Variants in SAMD4B observed in about 807,000 individuals in gnomAD.
SAMD4B encodes the protein protein Smaug homolog 2.
A neutral mutation model predicts 74.5 loss-of-function variants in SAMD4B; 5 were observed. That is an observed-to-expected ratio of 0.07 (90% CI 0.04 to 0.14). SAMD4B has a LOEUF of 0.14. Among genes scored for constraint, SAMD4B ranks in the 10% least tolerant of loss-of-function variants. The pLI is 1.00. For synonymous variants in SAMD4B, 373 were observed against 374.9 expected (o/e 1.00, Z 0.06); for missense variants, 608 against 921.8 (o/e 0.66, Z 4.41).
At chr19:39,388,366 C>T (rs745419714), downstream of SAMD4B, 2 of 1,613,998 alleles carry the variant, frequency 1.2e-6, no homozygotes, top group South Asian at 1.1e-5. Context: ...GTAGTAAACC[C>T]CGTCACCCTC....
At chr19:39,349,220 C>G (rs953237074) in intron 1 of SAMD4B, among the ~76,000 whole-genome samples, 1 of 152,090 alleles carries the variant, frequency 6.6e-6, no homozygotes, top group African/African-American at 2.4e-5. Context: ...TCAAAGATGA[C>G]TCAAAAAAAT....
At chr19:39,390,287 G>A, downstream of SAMD4B, 2 of 1,612,228 alleles carry the variant, frequency 1.2e-6, no homozygotes, top group Non-Finnish European at 1.7e-6. Context: ...GTGGGAATTG[G>A]GCCTAGTGGA....
chr19:39,390,431 G>T, downstream of SAMD4B: 1 of 760,836 alleles, frequency 1.3e-6, no homozygotes, highest in Non-Finnish European at 2.2e-6. Context: ...GTGTCCAAAT[G>T]CTTTAATGGA....
In SAMD4B at chr19:39,383,659, A is replaced by G. The variant is rs1447936856; in HGVS notation, c.*132A>G. On this transcript the variant is annotated 3_prime_UTR_variant, in exon 14 of 14. Coordinates refer to ENST00000610417, the MANE Select transcript of SAMD4B (RefSeq NM_001384574.2). The surrounding 1 kb of genome is among the most constrained non-coding windows in gnomAD (Gnocchi z 4.1). ...TATTCTAATATTTTTCTACTCTCTT[A>G]CCCTCTTAACTTTTGTTTAACATTG... 2.5e-5 allele frequency: 39 copies of G among 1,584,094 alleles called. No individual in the cohort carries two copies. Among genetic ancestry groups the G allele is most frequent in the Non-Finnish European group, 3.3e-5 (38 of 1,167,908 alleles).
rs1357958609 is a variant in SAMD4B at position 39,342,498 on chromosome 19, C to T, written c.-345C>T. Reference sequence around the variant, plus strand: ...GTGCGGGAGGAGGGAGGGGAGCTTGCGGGCCCGAGAGGGGGCGACGGCGGC... The same window carrying T: ...GTGCGGGAGGAGGGAGGGGAGCTTGTGGGCCCGAGAGGGGGCGACGGCGGC... On this transcript the variant is annotated 5_prime_UTR_variant, in exon 1 of 14. Transcript: ENST00000610417. The T allele has an allele frequency of 5.7e-6, 1 of 176,154 alleles. No individual in the cohort carries two copies. Among genetic ancestry groups the T allele is most frequent in the Non-Finnish European group, 1.2e-5 (1 of 86,820 alleles). The allele number at this position is 176,154 out of a possible 1,614,324, so 10.9% of individuals were successfully genotyped here.
At chr19:39,351,828 A>G (rs955234156) in intron 1 of SAMD4B, 4 of 152,134 alleles carry the variant, frequency 2.6e-5, no homozygotes, top group African/African-American at 7.2e-5. Flanking sequence ...AGTTCCAGCA[A>G]AAATCCAGAG....
chr19:39,388,383 G>A (rs181364662), downstream of SAMD4B: 2 of 1,614,016 alleles, frequency 1.2e-6, no homozygotes, highest in East Asian at 4.5e-5. Context: ...CCTCTCGGAA[G>A]ATGAAGAAGT....
intron 3 of SAMD4B, among the ~76,000 whole-genome samples, chr19:39,366,348 G>A (rs2076963474): frequency 6.6e-6 from 1 of 152,048 alleles, no homozygotes; most frequent in Admixed American, 6.6e-5. Context: ...GTGCACGCCT[G>A]TAATCCCAGC....
At chr19:39,365,868 CAT>C (rs1255063204) in intron 3 of SAMD4B, among the ~76,000 whole-genome samples, 1 of 152,176 alleles carries the variant, frequency 6.6e-6, no homozygotes, top group African/African-American at 2.4e-5. Context: ...ATGCTGTAGA[CAT>C]AGTATGAGTT....
At chr19:39,376,928 G>A in intron 7 of SAMD4B, 137 bp downstream of exon 7, 1 of 660,126 alleles carries the variant, frequency 1.5e-6, no homozygotes, top group Non-Finnish European at 2.6e-6. Context: ...AGACTTCAGG[G>A]ACCACATGCA....
intron 4 of SAMD4B, among the ~76,000 whole-genome samples, chr19:39,371,137 G>T (rs981040140): frequency 1.3e-5 from 2 of 152,204 alleles, no homozygotes. Flanking sequence ...CTGACCCAGG[G>T]TGAGGGAGAG....
chr19:39,346,053 C>A (rs1182427990), intron 1 of SAMD4B, among the ~76,000 whole-genome samples: 1 of 152,094 alleles, frequency 6.6e-6, no homozygotes, highest in East Asian at 1.9e-4. Context: ...TCTGGAGCCT[C>A]CACAGAGCTC....
chr19:39,378,922 C>G lies in SAMD4B; in HGVS notation c.1530+333C>G, dbSNP rs982323575. Among the ~76,000 whole-genome samples, 5 of 152,242 alleles carry G rather than the reference C, an allele frequency of 3.3e-5. No homozygotes were observed. The highest frequency in any genetic ancestry group is 5.9e-5 in the Non-Finnish European group (4 of 68,042). Reference sequence around the variant, plus strand: ...AAGCCTGCCCCATCTTTCTCAAGACCATTGTGTTGTATGTGGCCCATAGGG... The same window carrying G: ...AAGCCTGCCCCATCTTTCTCAAGACGATTGTGTTGTATGTGGCCCATAGGG... On this transcript the variant is annotated intron_variant, in intron 9 of 13. Coordinates refer to ENST00000610417, the MANE Select transcript of SAMD4B (RefSeq NM_001384574.2). The surrounding 1 kb of genome is among the most constrained non-coding windows in gnomAD (Gnocchi z 4.4).
intron 3 of SAMD4B, among the ~76,000 whole-genome samples, chr19:39,361,016 A>C (rs1460228028): frequency 6.6e-6 from 1 of 152,088 alleles, no homozygotes; most frequent in Non-Finnish European, 1.5e-5. Context: ...ACCTCTTGTG[A>C]CCTGGGTCAG....
At chr19:39,370,609 G>A (rs935765415) in intron 4 of SAMD4B, among the ~76,000 whole-genome samples, 2 of 152,110 alleles carry the variant, frequency 1.3e-5, no homozygotes, top group African/African-American at 4.8e-5. Flanking sequence ...AGGCTATGAC[G>A]CTTGATGGAG....
At chr19:39,390,161 C>A, downstream of SAMD4B, 4 of 1,613,896 alleles carry the variant, frequency 2.5e-6, no homozygotes, top group Non-Finnish European at 3.4e-6. Context: ...CCACTCCAGA[C>A]CTAGGAACAT....
chr19:39,358,990 G>C (rs773629708), intron 3 of SAMD4B, among the ~76,000 whole-genome samples: 12 of 152,224 alleles, frequency 7.9e-5, no homozygotes, highest in Non-Finnish European at 1.3e-4. Context: ...CAGGCCAGGG[G>C]TCACATCAGC....
At position 39,380,770 on chromosome 19, in the gene SAMD4B, A is replaced by G; in HGVS notation, c.1833A>G (p.Gly611=). Residue 611 remains glycine (G), a synonymous_variant, in exon 11 of 14, where the codon GGA becomes GGG. Transcript: ENST00000610417. ...PRHALTSPSL[G]GQGRQNLWFA... ...ATGCCCTCACCAGCCCCAGCCTTGG[A>G]GGCCAGGGCCGACAGGTAAGCTGGC... 1 of 1,556,172 alleles carries G rather than the reference A, an allele frequency of 6.4e-7. No homozygotes were observed. Among genetic ancestry groups the G allele is most frequent in the Non-Finnish European group, 8.7e-7 (1 of 1,151,828 alleles).
chr19:39,353,949 T>A (rs1019982835), intron 1 of SAMD4B, 57 bp from the exon 2 acceptor site: 5 of 152,198 alleles, frequency 3.3e-5, no homozygotes, highest in Non-Finnish European at 7.3e-5. Context: ...CAATGTGGGA[T>A]CTGCCCCAGT....
Sources: gnomAD v4.1 joint callset for allele counts (sites outside exome capture counted in the v4.1 genomes callset) on GRCh38, gnomAD v4.1.1 for gene constraint, Gnocchi (gnomAD v3.1) non-coding constraint, MANE v1.5 for transcripts, NCBI Gene and HGNC (gene_info 2026-07-23, HGNC 2026-07-21) for gene names.